RNLS: variants seen among roughly 807,000 people sequenced by gnomAD.
The protein encoded by RNLS is renalase, FAD dependent amine oxidase, also known as renalase.
A neutral mutation model predicts 39.8 loss-of-function variants in RNLS; 39 were observed. That is an observed-to-expected ratio of 0.98 (90% CI 0.76 to 1.28). The LOEUF is 1.28. Among genes scored for constraint, RNLS ranks in the 50% most tolerant of loss-of-function variants. RNLS has a pLI of 0.00. For missense variants in RNLS, 410 were observed against 413.3 expected (o/e 0.99, Z 0.07); for synonymous variants, 147 against 150.7 (o/e 0.98, Z 0.18).
intron 4 of RNLS, among the ~76,000 whole-genome samples, chr10:88,532,266 TG>T (rs1216228449): frequency 2.0e-5 from 3 of 152,058 alleles, no homozygotes; most frequent in Non-Finnish European, 4.4e-5. Context: ...ACTTAGAATA[TG>T]GAATATGTTT....
intron 4 of RNLS, among the ~76,000 whole-genome samples, chr10:88,525,021 C>G (rs1282992685): frequency 7.7e-6 from 1 of 129,432 alleles, no homozygotes; most frequent in Non-Finnish European, 1.6e-5. Context: ...ATACTATGTA[C>G]CCACAAAAAT....
intron 5 of RNLS, among the ~76,000 whole-genome samples, chr10:88,318,335 G>T (rs1457230443): frequency 2.0e-5 from 3 of 152,234 alleles, no homozygotes; most frequent in African/African-American, 4.8e-5. Flanking sequence ...CAAAGGAAAT[G>T]AAGGAAGTGG....
intron 4 of RNLS, among the ~76,000 whole-genome samples, chr10:88,568,289 T>C (rs928555908): frequency 6.6e-6 from 1 of 152,046 alleles, no homozygotes; most frequent in Non-Finnish European, 1.5e-5. Context: ...AGATTAATGA[T>C]TGCTTAGGGC....
At chr10:88,257,610 T>C in the RNLS span, among the ~76,000 whole-genome samples, 1 of 152,186 alleles carries the variant, frequency 6.6e-6, no homozygotes, top group Non-Finnish European at 1.5e-5. Flanking sequence ...GAGCCTAGTT[T>C]CTAAATGGTC....
chr10:88,488,752 G>A (rs1844717189), intron 4 of RNLS, among the ~76,000 whole-genome samples: 1 of 152,150 alleles, frequency 6.6e-6, no homozygotes, highest in Non-Finnish European at 1.5e-5. Flanking sequence ...AGTCACAGCA[G>A]TGAGTGTGCT....
intron 6 of RNLS, among the ~76,000 whole-genome samples, chr10:88,275,593 T>C (rs1195158655): frequency 6.6e-6 from 1 of 152,118 alleles, no homozygotes; most frequent in Non-Finnish European, 1.5e-5. Context: ...ACGAAATATA[T>C]CTATGTATAT....
chr10:88,274,995 C>T, exon 7 of RNLS: 1 of 1,613,520 alleles, frequency 6.2e-7, no homozygotes, highest in South Asian at 1.1e-5. Flanking sequence ...CATCCAGGGG[C>T]TCTTCGCACA....
chr10:88,551,045 A>T (rs904608576), intron 4 of RNLS, among the ~76,000 whole-genome samples: 1 of 152,222 alleles, frequency 6.6e-6, no homozygotes, highest in African/African-American at 2.4e-5. Flanking sequence ...TTCTCAAATC[A>T]GGAACTCTTG....
At chr10:88,358,115 C>T (rs777560890) in intron 5 of RNLS, among the ~76,000 whole-genome samples, 34 of 152,178 alleles carry the variant, frequency 2.2e-4, no homozygotes, top group Non-Finnish European at 2.9e-4. Context: ...CTTCCCACTA[C>T]GCCAATCTTA....
chr10:88,562,559 T>C (rs1849257337), intron 4 of RNLS, among the ~76,000 whole-genome samples: 1 of 152,094 alleles, frequency 6.6e-6, no homozygotes, highest in Non-Finnish European at 1.5e-5. Flanking sequence ...TAAATAGGTT[T>C]GTAAGGAATA....
intron 4 of RNLS, among the ~76,000 whole-genome samples, chr10:88,564,140 G>GATC (rs1298880403): frequency 6.6e-6 from 1 of 152,122 alleles, no homozygotes; most frequent in Non-Finnish European, 1.5e-5. Context: ...GGTTATTAGA[G>GATC]TTTGCCTTCT....
Position 88,284,200 on chromosome 10 carries a change from CTGCCTG to C in RNLS, c.*1148_*1153del, listed in dbSNP as rs1279667277. The stretch of plus-strand genomic sequence containing the variant: ...CACTTTGCAGCTATAGAAGCAAGTT[CTGCCTG>C]TGCCTGTGTATGTGTATGTATGACA... On this transcript the variant is annotated 3_prime_UTR_variant, in exon 7 of 7. Coordinates refer to ENST00000331772, the MANE Select transcript of RNLS (RefSeq NM_001031709.3). The C allele has an allele frequency of 5.1e-6, 5 of 985,170 alleles. No individual in the cohort carries two copies. The highest frequency in any genetic ancestry group is 2.3e-4 in the East Asian group (2 of 8,818). The allele number at this position is 985,170 out of a possible 1,614,324, so 61.0% of individuals were successfully genotyped here. A position where few individuals can be genotyped will look rare whatever the true frequency, so the allele number is the denominator to read the frequency against.
intron 4 of RNLS, among the ~76,000 whole-genome samples, chr10:88,399,398 T>C (rs945027985): frequency 6.6e-6 from 1 of 152,032 alleles, no homozygotes; most frequent in Admixed American, 6.6e-5. Context: ...TGTGCATTAA[T>C]TGATGAATGG....
chr10:88,314,637 T>C lies in RNLS; in HGVS notation c.705A>G (p.Ser235=), dbSNP rs763772698. ...SIDNKKRNIE[S]SEIGPSLVIH... ...TCACGAGGGAAGGCCCAATTTCTGATGACTCTGTGGCATAAGAGGATCATA... is the reference window on the plus strand; with the variant it reads ...TCACGAGGGAAGGCCCAATTTCTGACGACTCTGTGGCATAAGAGGATCATA... Residue 235 remains serine (S), a synonymous_variant, in exon 6 of 7, where the codon TCA becomes TCG. Coordinates refer to ENST00000331772, the MANE Select transcript of RNLS (RefSeq NM_001031709.3). 6 of 1,613,270 alleles carry C rather than the reference T, an allele frequency of 3.7e-6. No homozygotes were observed. The South Asian group carries it at 5.5e-5, about 15-fold the overall frequency.
intron 4 of RNLS, among the ~76,000 whole-genome samples, chr10:88,551,817 G>A (rs970641701): frequency 1.3e-5 from 2 of 152,020 alleles, no homozygotes; most frequent in Admixed American, 1.3e-4. Flanking sequence ...AACAACGCTG[G>A]GTTGTTTTAA....
chr10:88,432,029 A>G (rs919400553), intron 4 of RNLS, among the ~76,000 whole-genome samples: 1 of 151,776 alleles, frequency 6.6e-6, no homozygotes. Context: ...CTTGTTCTAT[A>G]AATTATTGAC....
the RNLS span, among the ~76,000 whole-genome samples, chr10:88,187,167 A>T: frequency 1.4e-4 from 7 of 50,388 alleles, no homozygotes; most frequent in South Asian, 6.2e-4. Context: ...TAATATATAT[A>T]ATATATATAT....
intron 5 of RNLS, among the ~76,000 whole-genome samples, chr10:88,324,470 A>G (rs1846432852): frequency 6.6e-6 from 1 of 151,908 alleles, no homozygotes; most frequent in Non-Finnish European, 1.5e-5. Flanking sequence ...AATACCCCAT[A>G]TTTTCACTTA....
chr10:88,354,855 C>A (rs1405117394), intron 5 of RNLS, among the ~76,000 whole-genome samples: 1 of 152,226 alleles, frequency 6.6e-6, no homozygotes, highest in Non-Finnish European at 1.5e-5. Flanking sequence ...GTACACCAAT[C>A]AGACGTAGAT....
Sources: allele counts gnomAD v4.1 joint callset (sites outside exome capture counted in the v4.1 genomes callset), GRCh38; gene constraint gnomAD v4.1.1; transcripts MANE v1.5; gene names NCBI Gene and HGNC (gene_info 2026-07-23, HGNC 2026-07-21).